The following DNAH9 variants were observed in gnomAD, a reference collection of about 807,000 sequenced individuals.
The protein encoded by DNAH9 is DNAH9 variant protein.
DNAH9 carries 345 observed loss-of-function variants against 471.6 expected under a neutral mutation model. The observed-to-expected ratio is 0.73, with a 90% CI of 0.67 to 0.80. The LOEUF is 0.80. Ranked by LOEUF, DNAH9 falls within the 30% of genes least tolerant of loss-of-function variation. The probability of loss-of-function intolerance (pLI) is 0.00; values close to 1 mark genes in which losing one functional copy is unlikely to be tolerated. For missense variants in DNAH9, 5,407 were observed against 5,609.2 expected (o/e 0.96, Z 1.15); for synonymous variants, 2,093 against 2,123.6 (o/e 0.99, Z 0.40).
Position 11,679,816 on chromosome 17 carries a change from A to T in DNAH9, c.3413A>T (p.Glu1138Val), listed in dbSNP as rs560771446. Residue 1138 changes from glutamate (E) to valine (V), a missense_variant, in exon 18 of 69, where the codon GAA becomes GTA. Glu to Val is a moderately radical substitution (Grantham distance 121, BLOSUM62 -2). This residue lies in a region of DNAH9 where 4,636 missense variants were observed against 4,900.3 expected (regional missense o/e 0.95). Coordinates refer to ENST00000262442, the MANE Select transcript of DNAH9 (RefSeq NM_001372.4). ...KSESGLLKKV[E>V]KGDFQGLVEI... ...GAGAGCGGCTTACTCAAGAAAGTTG[A>T]AAAAGGAGATTTCCAAGGCTTGGTT... is the stretch of plus-strand genomic sequence containing the variant. 2 of 1,614,122 alleles carry T rather than the reference A, an allele frequency of 1.2e-6. No homozygotes were observed. The highest frequency in any genetic ancestry group is 4.5e-5 in the East Asian group (2 of 44,880).
chr17:11,662,661 TG>T (rs1352097502), intron 14 of DNAH9, among the ~76,000 whole-genome samples: 1 of 103,686 alleles, frequency 9.6e-6, no homozygotes, highest in African/African-American at 2.6e-5. Flanking sequence ...CTTGAGAATC[TG>T]GATTTTTTTC....
Position 11,926,067 on chromosome 17 carries a change from G to T in DNAH9, c.11877+2126G>T, listed in dbSNP as rs112219506. Among the ~76,000 whole-genome samples the T allele has an allele frequency of 8.6e-3, 1,103 of 128,508 alleles. 24 individuals are homozygous for T. Among genetic ancestry groups the T allele is most frequent in the African/African-American group, 0.031 (1,011 of 32,640 alleles). The allele number at this position is 128,508 out of a possible 152,430, so 84.3% of individuals were successfully genotyped here. A position where few individuals can be genotyped will look rare whatever the true frequency, so the allele number is the denominator to read the frequency against. On this transcript the variant is annotated intron_variant, in intron 62 of 68. Coordinates refer to ENST00000262442, the MANE Select transcript of DNAH9 (RefSeq NM_001372.4). ...AAAAAAAAAAAAAAAAAAAAAGCTG[G>T]GGGGGGAGGAATACACTTAACAAAT...
intron 61 of DNAH9, among the ~76,000 whole-genome samples, chr17:11,906,747 C>T (rs11652876): frequency 0.12 from 17,706 of 152,062 alleles, 1,124 homozygotes; most frequent in East Asian, 0.2. Context: ...AGCCATTATC[C>T]TCCACTAACT....
chr17:11,876,936 C>G (rs1972510492), intron 53 of DNAH9, among the ~76,000 whole-genome samples: 1 of 151,640 alleles, frequency 6.6e-6, no homozygotes. Flanking sequence ...CTATGTTGGC[C>G]AGGCTGGTCT....
chr17:11,709,730 T>C (rs2074798405), intron 26 of DNAH9, among the ~76,000 whole-genome samples: 1 of 152,184 alleles, frequency 6.6e-6, no homozygotes, highest in Admixed American at 6.5e-5. Flanking sequence ...CAAAAGCAAT[T>C]CTCATAAGTC....
intron 15 of DNAH9, among the ~76,000 whole-genome samples, chr17:11,668,680 A>C (rs1486586027): frequency 2.0e-5 from 3 of 151,794 alleles, no homozygotes; most frequent in South Asian, 2.1e-4. Flanking sequence ...AAAAAAAAAA[A>C]AAAAAACAAT....
Position 11,757,625 on chromosome 17 carries a change from G to A in DNAH9, c.6928G>A (p.Glu2310Lys), listed in dbSNP as rs757121096. 2 of 1,614,188 alleles carry A rather than the reference G, an allele frequency of 1.2e-6. No homozygotes were observed. The highest frequency in any genetic ancestry group is 2.2e-5 in the South Asian group (2 of 91,080). Residue 2310 changes from glutamate (E) to lysine (K), a missense_variant, in exon 35 of 69, where the codon GAG becomes AAG. Physicochemically the swap from Glu to Lys is moderately conservative, Grantham distance 56. Around this residue, in one of 3 missense-constraint regions of DNAH9, gnomAD observed 4,636 missense variants for 4,900.3 expected, o/e 0.95. Coordinates refer to ENST00000262442, the MANE Select transcript of DNAH9 (RefSeq NM_001372.4). ...SWIEKREIQT[E>K]RANLTILFDK... is the part of the protein sequence containing the mutation. The stretch of plus-strand genomic sequence containing the variant: ...GATTGAGAAGAGGGAAATCCAGACA[G>A]AGAGAGCCAACTTAACCATTTTGTT...
At position 11,628,324 on chromosome 17, in the gene DNAH9, G is replaced by T. The variant is rs543329006; in HGVS notation, c.1351-1093G>T. ...GAGGGGATCCTCCCCAAGGCTTCTG[G>T]GTTGCGCCGTCCACCTGTCATTGGA... On this transcript the variant is annotated intron_variant, in intron 6 of 68. Transcript: ENST00000262442. Among the ~76,000 whole-genome samples the T allele has an allele frequency of 3.9e-5, 6 of 152,298 alleles. No individual in the cohort carries two copies. The East Asian group carries it at 7.7e-4, about 20-fold the overall frequency.
chr17:11,636,226 G>A (rs1374143085), intron 8 of DNAH9, among the ~76,000 whole-genome samples: 1 of 152,142 alleles, frequency 6.6e-6, no homozygotes, highest in Non-Finnish European at 1.5e-5. Context: ...GGCTGGTCTT[G>A]AACTCCTGAC....
chr17:11,664,098 G>T (rs1256214778), intron 14 of DNAH9, among the ~76,000 whole-genome samples: 1 of 152,176 alleles, frequency 6.6e-6, no homozygotes, highest in East Asian at 1.9e-4. Flanking sequence ...GAAAGTTGCT[G>T]TAAAAAGTGT....
chr17:11,797,719 G>A lies in DNAH9; in HGVS notation c.8346G>A (p.Val2782=). Residue 2782 remains valine (V), a synonymous_variant, in exon 43 of 69, where the codon GTG becomes GTA. Transcript: ENST00000262442. ...QSWELLTQTL[V]EALENHNEVN... ...GGGAACTTTTGACCCAGACTCTGGT[G>A]GAGGCCTTGGAGAACCACAATGAAG... 1 of 1,614,214 alleles carries A rather than the reference G, an allele frequency of 6.2e-7. No homozygotes were observed. Among genetic ancestry groups the A allele is most frequent in the Non-Finnish European group, 8.5e-7 (1 of 1,180,040 alleles).
chr17:11,928,750 A>G (rs150612042), intron 62 of DNAH9, among the ~76,000 whole-genome samples: 1 of 152,340 alleles, frequency 6.6e-6, no homozygotes, highest in African/African-American at 2.4e-5. Flanking sequence ...AGTGGTTTGG[A>G]GAGTGGAGAG....
intron 59 of DNAH9, among the ~76,000 whole-genome samples, chr17:11,898,420 C>T (rs1474585275): frequency 6.6e-6 from 1 of 152,196 alleles, no homozygotes; most frequent in Non-Finnish European, 1.5e-5. Flanking sequence ...CGCGCCTGGC[C>T]CTTTCCGTTT....
chr17:11,617,028 G>A (rs898384312), intron 4 of DNAH9, among the ~76,000 whole-genome samples: 3 of 152,310 alleles, frequency 2.0e-5, no homozygotes, highest in Admixed American at 6.5e-5. Flanking sequence ...GAGGTTACAC[G>A]TGCCCAAAGT....
In DNAH9 at chr17:11,862,101, C is replaced by G. The variant is rs1235798319; in HGVS notation, c.9934-7033C>G. Among the ~76,000 whole-genome samples, 2 of 104,124 alleles carry G rather than the reference C, an allele frequency of 1.9e-5. 1 individual carries two copies. Among genetic ancestry groups the G allele is most frequent in the Non-Finnish European group, 4.4e-5 (2 of 45,206 alleles). The allele number at this position is 104,124 out of a possible 152,430, so 68.3% of individuals were successfully genotyped here. ...TTAGACGTGAAGTCCTTGCCCATGC[C>G]TGTCCTGAATGGTAATGCCTAGGTT... On this transcript the variant is annotated intron_variant, in intron 50 of 68. Transcript: ENST00000262442.
At chr17:11,633,170 G>T (rs1188327938) in intron 8 of DNAH9, among the ~76,000 whole-genome samples, 1 of 152,164 alleles carries the variant, frequency 6.6e-6, no homozygotes, top group Non-Finnish European at 1.5e-5. Context: ...GGAGGAGAAG[G>T]TTTAGGACAA....
At chr17:11,895,714 CA>C (rs1866319483) in intron 59 of DNAH9, among the ~76,000 whole-genome samples, 1 of 152,146 alleles carries the variant, frequency 6.6e-6, no homozygotes, top group African/African-American at 2.4e-5. Flanking sequence ...CAATACCTAC[CA>C]ACTACGAATC....
Position 11,598,884 on chromosome 17 carries a change from C to G in DNAH9, c.386C>G (p.Pro129Arg), listed in dbSNP as rs761014711. ...AVVCGDLPAA[P>R]LEHLAALFSE... Reference sequence around the variant, plus strand: ...GTCTGCGGGGACCTGCCCGCGGCACCTCTGGAGCACCTAGCCGCGCTGTTC... The same window carrying G: ...GTCTGCGGGGACCTGCCCGCGGCACGTCTGGAGCACCTAGCCGCGCTGTTC... The change falls in exon 1 of 69, where the codon CCT becomes CGT. Residue 129 changes from proline to arginine, a missense_variant. Coordinates refer to ENST00000262442, the MANE Select transcript of DNAH9 (RefSeq NM_001372.4). 6.5e-7 allele frequency: 1 copy of G among 1,541,458 alleles called. No individual in the cohort carries two copies. The highest frequency in any genetic ancestry group is 2.5e-5 in the East Asian group (1 of 39,400).
intron 65 of DNAH9, among the ~76,000 whole-genome samples, chr17:11,936,499 G>A (rs891911534): frequency 2.0e-5 from 3 of 152,142 alleles, no homozygotes; most frequent in African/African-American, 7.2e-5. Flanking sequence ...GCTTGAGCAT[G>A]GTGGCATGTA....
Sources: gnomAD v4.1 joint callset for allele counts (sites outside exome capture counted in the v4.1 genomes callset) on GRCh38, gnomAD v4.1.1 for gene constraint, gnomAD v4.1.1 regional missense constraint, MANE v1.5 for transcripts, NCBI Gene and HGNC (gene_info 2026-07-23, HGNC 2026-07-21) for gene names.